The following WWOX variants were observed in gnomAD, a reference collection of about 807,000 sequenced individuals.
WWOX encodes WW domain-containing oxidoreductase.
WWOX carries 69 observed loss-of-function variants against 46.2 expected under a neutral mutation model. That is an observed-to-expected ratio of 1.49 (90% CI 1.23 to 1.82). WWOX has a LOEUF of 1.82. WWOX is among the 40% of genes most tolerant of loss of function. The pLI is 0.00. For synonymous variants in WWOX, 359 were observed against 202.6 expected (o/e 1.77, Z -6.56); for missense variants, 919 against 542.6 (o/e 1.69, Z -6.89).
chr16:78,821,295 G>T (rs1173319842), intron 8 of WWOX, among the ~76,000 whole-genome samples: 1 of 152,116 alleles, frequency 6.6e-6, no homozygotes, highest in Non-Finnish European at 1.5e-5. Context: ...CTTGCCCCAG[G>T]TTACACAGCT....
chr16:78,407,282 C>G (rs1322225484), intron 6 of WWOX, among the ~76,000 whole-genome samples: 1 of 152,264 alleles, frequency 6.6e-6, no homozygotes, highest in South Asian at 2.1e-4. Flanking sequence ...TTTCCAAATA[C>G]TATGAAGTCT....
At chr16:78,463,283 G>C (rs775567917) in intron 8 of WWOX, among the ~76,000 whole-genome samples, 1 of 152,168 alleles carries the variant, frequency 6.6e-6, no homozygotes, top group Non-Finnish European at 1.5e-5. Context: ...GTATAGGTAG[G>C]CATTGTCCAT....
chr16:78,908,168 A>G (rs907363565), intron 8 of WWOX, among the ~76,000 whole-genome samples: 2 of 152,182 alleles, frequency 1.3e-5, no homozygotes, highest in African/African-American at 2.4e-5. Flanking sequence ...CTTAAGAGCC[A>G]GTGTAATTGC....
At chr16:78,541,083 G>A (rs889873398) in intron 8 of WWOX, among the ~76,000 whole-genome samples, 2 of 152,058 alleles carry the variant, frequency 1.3e-5, no homozygotes, top group Non-Finnish European at 2.9e-5. Flanking sequence ...GAGAATATTC[G>A]GAGAACCTAA....
chr16:78,288,656 C>T (rs1407840247), intron 5 of WWOX, among the ~76,000 whole-genome samples: 2 of 152,050 alleles, frequency 1.3e-5, no homozygotes, highest in African/African-American at 2.4e-5. Flanking sequence ...CTTTATATTC[C>T]TGAATTTTGC....
At position 79,167,678 on chromosome 16, in the gene WWOX, C is replaced by T. The variant is rs533386956; in HGVS notation, c.1057-43930C>T. Among the ~76,000 whole-genome samples, 11 of 152,326 alleles carry T rather than the reference C, an allele frequency of 7.2e-5. No individual in the cohort carries two copies. In the South Asian group the frequency reaches 2.3e-3, roughly 32 times the overall value. On this transcript the variant is annotated intron_variant, in intron 8 of 8. Transcript: ENST00000566780. ...GACAGAGATGAGATTCAAATTCAGG[C>T]CACAATGACTTCAAAAACCCTTGTA...
chr16:78,129,762 T>G (rs902118754), intron 4 of WWOX, among the ~76,000 whole-genome samples: 1 of 152,116 alleles, frequency 6.6e-6, no homozygotes, highest in African/African-American at 2.4e-5. Context: ...GATATTTTAC[T>G]TAAATGTAGA....
At chr16:79,135,838 T>C (rs947091172) in intron 8 of WWOX, among the ~76,000 whole-genome samples, 10 of 152,220 alleles carry the variant, frequency 6.6e-5, no homozygotes, top group African/African-American at 2.4e-4. Context: ...TTTGTACTTT[T>C]ATTGACCATT....
At chr16:78,871,708 T>C (rs564205232) in intron 8 of WWOX, among the ~76,000 whole-genome samples, 15 of 152,322 alleles carry the variant, frequency 9.8e-5, no homozygotes, top group African/African-American at 3.1e-4. Flanking sequence ...CAAGCAATTC[T>C]CCTGCCTCAG....
At chr16:78,365,530 G>A (rs941147085) in intron 5 of WWOX, among the ~76,000 whole-genome samples, 5 of 152,118 alleles carry the variant, frequency 3.3e-5, no homozygotes, top group Non-Finnish European at 7.3e-5. Flanking sequence ...TCAGATTCCT[G>A]CTGGAAGGTC....
At chr16:78,529,648 T>C (rs1263142375) in intron 8 of WWOX, among the ~76,000 whole-genome samples, 1 of 151,926 alleles carries the variant, frequency 6.6e-6, no homozygotes, top group East Asian at 1.9e-4. Context: ...TTTTTATTTT[T>C]AGTAGAGATG....
At chr16:78,323,708 G>T (rs539414494) in intron 5 of WWOX, among the ~76,000 whole-genome samples, 1 of 152,226 alleles carries the variant, frequency 6.6e-6, no homozygotes, top group African/African-American at 2.4e-5. Flanking sequence ...TTTGGAATCA[G>T]GAAAACATGT....
chr16:78,221,624 A>G (rs1413407424), intron 5 of WWOX, among the ~76,000 whole-genome samples: 5 of 152,244 alleles, frequency 3.3e-5, no homozygotes, highest in Admixed American at 6.5e-5. Context: ...CGAGTACTAT[A>G]GCCTTCCTCA....
intron 8 of WWOX, among the ~76,000 whole-genome samples, chr16:79,117,842 C>T (rs2049548349): frequency 6.6e-6 from 1 of 152,222 alleles, no homozygotes; most frequent in African/African-American, 2.4e-5. Flanking sequence ...TCTCAGCCTT[C>T]ACACAATTAT....
At chr16:78,212,947 G>C (rs1359580938) in intron 5 of WWOX, among the ~76,000 whole-genome samples, 1 of 152,046 alleles carries the variant, frequency 6.6e-6, no homozygotes, top group Non-Finnish European at 1.5e-5. Flanking sequence ...GGGAGGTAAG[G>C]GGCTGTGCTT....
chr16:78,665,975 G>T (rs781639483), intron 8 of WWOX, among the ~76,000 whole-genome samples: 4 of 151,864 alleles, frequency 2.6e-5, no homozygotes, highest in African/African-American at 9.7e-5. Context: ...GTGAGCCGCT[G>T]CGCCTGGCCA....
intron 4 of WWOX, chr16:78,118,819 A>C (rs2032946539): frequency 6.6e-6 from 1 of 152,164 alleles, no homozygotes; most frequent in Admixed American, 6.5e-5. Context: ...CCCCAGGAAG[A>C]CTGTGGCAGC....
At chr16:78,327,520 C>G (rs756913066) in intron 5 of WWOX, among the ~76,000 whole-genome samples, 6 of 152,104 alleles carry the variant, frequency 3.9e-5, no homozygotes, top group African/African-American at 1.2e-4. Context: ...GAACATGGAG[C>G]GCTCAGCAAA....
intron 8 of WWOX, among the ~76,000 whole-genome samples, chr16:78,586,774 G>C (rs969247690): frequency 1.3e-5 from 2 of 152,118 alleles, no homozygotes; most frequent in African/African-American, 4.8e-5. Flanking sequence ...TTTGATTCAG[G>C]AAGGTTAAGT....
Sources: gnomAD v4.1 joint callset for allele counts (sites outside exome capture counted in the v4.1 genomes callset) on GRCh38, gnomAD v4.1.1 for gene constraint, MANE v1.5 for transcripts, NCBI Gene and HGNC (gene_info 2026-07-23, HGNC 2026-07-21) for gene names.